The following HCN1 variants were observed in gnomAD, a reference collection of about 807,000 sequenced individuals.
HCN1 encodes the protein hyperpolarization activated cyclic nucleotide gated potassium channel 1, also known as potassium/sodium hyperpolarization-activated cyclic nucleotide-gated channel 1.
A neutral mutation model predicts 78.9 loss-of-function variants in HCN1; 13 were observed. That is an observed-to-expected ratio of 0.16 (90% CI 0.11 to 0.26). The LOEUF (loss-of-function observed/expected upper bound fraction) is 0.26, where lower values mean the gene tolerates loss of function less well. HCN1 is among the 10% of genes least tolerant of loss of function. HCN1 has a pLI of 1.00. For missense variants in HCN1, 810 were observed against 1,154.3 expected, an observed-to-expected ratio of 0.70 and a Z score of 4.32; for synonymous variants, 552 against 455.5, an observed-to-expected ratio of 1.21 and a Z score of -2.70.
At chr5:45,640,537 C>T (rs1240146837) in intron 2 of HCN1, among the ~76,000 whole-genome samples, 6 of 150,830 alleles carry the variant, frequency 4.0e-5, no homozygotes, top group African/African-American at 7.3e-5. Context: ...TAGAGTGTGT[C>T]AATGTAGAAT....
At chr5:45,680,072 C>A (rs983891525) in intron 1 of HCN1, among the ~76,000 whole-genome samples, 1 of 152,038 alleles carries the variant, frequency 6.6e-6, no homozygotes, top group African/African-American at 2.4e-5. Context: ...CTCTCTCTTT[C>A]CAACATGATT....
At chr5:45,481,410 G>T (rs911901110) in intron 2 of HCN1, among the ~76,000 whole-genome samples, 7 of 152,134 alleles carry the variant, frequency 4.6e-5, no homozygotes, top group Non-Finnish European at 5.9e-5. Context: ...TGATTTGGGC[G>T]ATGGAAACTA....
rs191792698 is a variant in HCN1, at chr5:45,434,827, A to G, written c.1011+27019T>C. On this transcript the variant is annotated intron_variant, in intron 3 of 7. Transcript: ENST00000303230. ...GTCTTTTAAAACTTTTAAAGAAAAA[A>G]TAGAGAATAATCAAAGTGAAGTTCT... Among the ~76,000 whole-genome samples, 438 of 152,296 alleles carry G rather than the reference A, an allele frequency of 2.9e-3. 2 individuals are homozygous for G. The highest frequency in any genetic ancestry group is 7.2e-3 in the Admixed American group (110 of 15,286).
At chr5:45,414,752 C>CT (rs1218584882) in intron 3 of HCN1, among the ~76,000 whole-genome samples, 1 of 152,036 alleles carries the variant, frequency 6.6e-6, no homozygotes, top group African/African-American at 2.4e-5. Flanking sequence ...TGTCCCATCT[C>CT]TTTACAATAC....
intron 3 of HCN1, among the ~76,000 whole-genome samples, chr5:45,461,452 T>C (rs545700439): frequency 1.3e-5 from 2 of 152,244 alleles, no homozygotes; most frequent in South Asian, 4.1e-4. Flanking sequence ...TGTTTTACAA[T>C]CCCTAAAAGT....
At chr5:45,435,210 T>C (rs141470677) in intron 3 of HCN1, among the ~76,000 whole-genome samples, 3 of 152,242 alleles carry the variant, frequency 2.0e-5, no homozygotes, top group African/African-American at 7.2e-5. Context: ...AGTAAATTTA[T>C]TTGTGCAGGA....
chr5:45,395,744 A>T (rs896081388), intron 4 of HCN1, among the ~76,000 whole-genome samples: 5 of 152,156 alleles, frequency 3.3e-5, no homozygotes, highest in Admixed American at 3.3e-4. Context: ...ATTAATTTAA[A>T]ATATTCTTAT....
At chr5:45,674,959 T>G (rs1293543680) in intron 1 of HCN1, among the ~76,000 whole-genome samples, 1 of 151,698 alleles carries the variant, frequency 6.6e-6, no homozygotes, top group Non-Finnish European at 1.5e-5. Flanking sequence ...AAGATATGCA[T>G]GCATATATAA....
intron 1 of HCN1, among the ~76,000 whole-genome samples, chr5:45,676,279 A>G (rs984781914): frequency 2.0e-5 from 3 of 151,806 alleles, no homozygotes; most frequent in African/African-American, 7.2e-5. Flanking sequence ...TATGTGTCTT[A>G]TAAGTACATA....
intron 4 of HCN1, among the ~76,000 whole-genome samples, chr5:45,360,396 A>G (rs758629547): frequency 2.6e-4 from 40 of 152,078 alleles, no homozygotes; most frequent in Non-Finnish European, 1.6e-4. Flanking sequence ...TGACTAATCT[A>G]TCTTAATTTT....
chr5:45,400,968 T>C (rs1203206110), intron 3 of HCN1, among the ~76,000 whole-genome samples: 6 of 152,186 alleles, frequency 3.9e-5, no homozygotes, highest in Non-Finnish European at 7.4e-5. Context: ...TAATCTGTTG[T>C]TCACATAACT....
At chr5:45,494,791 G>A (rs1490681445) in intron 2 of HCN1, among the ~76,000 whole-genome samples, 1 of 152,180 alleles carries the variant, frequency 6.6e-6, no homozygotes, top group African/African-American at 2.4e-5. Context: ...GTGTAAGGAA[G>A]GGATCCAGTT....
rs191835903 is a variant in HCN1 at position 45,335,872 on chromosome 5, T to A, written c.1377+17228A>T. 6.6e-5 allele frequency among the ~76,000 whole-genome samples: 10 copies of A among 152,176 alleles called. No homozygotes were observed. The East Asian group carries it at 1.9e-3, about 30-fold the overall frequency. ...TAAGAAAATAGCTCAGAGTTGAACA[T>A]CTAGTTAGTAGCGGAGCTGGATTTA... On this transcript the variant is annotated intron_variant, in intron 5 of 7. Transcript: ENST00000303230.
intron 3 of HCN1, among the ~76,000 whole-genome samples, chr5:45,445,857 C>G (rs1439605196): frequency 2.6e-5 from 4 of 152,062 alleles, no homozygotes; most frequent in African/African-American, 9.7e-5. Context: ...CTAACAAACA[C>G]AAAGGACATG....
chr5:45,579,874 G>A (rs1446048741), intron 2 of HCN1, among the ~76,000 whole-genome samples: 1 of 151,996 alleles, frequency 6.6e-6, no homozygotes, highest in Non-Finnish European at 1.5e-5. Context: ...TCTCTTCCTG[G>A]TAAAAGACTG....
chr5:45,261,845 A>C lies in HCN1; in HGVS notation c.*76T>G. ...TAGTAGGCTAGAGGGATCTATCAGG[A>C]GATAGAATAAAATAAGATCTGAGTA... On this transcript the variant is annotated 3_prime_UTR_variant, in exon 8 of 8. Coordinates refer to ENST00000303230, the MANE Select transcript of HCN1 (RefSeq NM_021072.4). 6.6e-7 allele frequency: 1 copy of C among 1,514,618 alleles called. No homozygotes were observed. The highest frequency in any genetic ancestry group is 1.1e-5 in the South Asian group (1 of 88,450). 93.8% of individuals were successfully genotyped at this position (1,514,618 alleles called of 1,614,324 possible).
chr5:45,483,584 G>A (rs1741698406), intron 2 of HCN1, among the ~76,000 whole-genome samples: 1 of 152,100 alleles, frequency 6.6e-6, no homozygotes, highest in Non-Finnish European at 1.5e-5. Flanking sequence ...TGTTTACTTT[G>A]TTGACGGCTT....
chr5:45,550,128 C>T (rs2111852567), intron 2 of HCN1, among the ~76,000 whole-genome samples: 1 of 152,108 alleles, frequency 6.6e-6, no homozygotes, highest in African/African-American at 2.4e-5. Context: ...TACCATTTGA[C>T]CCAGCCATCC....
chr5:45,571,619 T>G (rs1311880404), intron 2 of HCN1, among the ~76,000 whole-genome samples: 1 of 152,150 alleles, frequency 6.6e-6, no homozygotes, highest in South Asian at 2.1e-4. Flanking sequence ...GTCTTTATTT[T>G]AAAGCCAATA....
Sources: allele counts gnomAD v4.1 joint callset (sites outside exome capture counted in the v4.1 genomes callset), GRCh38; gene constraint gnomAD v4.1.1; transcripts MANE v1.5; gene names NCBI Gene and HGNC (gene_info 2026-07-23, HGNC 2026-07-21).